Variants in MTUS2 observed in about 807,000 individuals in gnomAD.
MTUS2 encodes the protein microtubule-associated tumor suppressor candidate 2.
MTUS2 carries 40 observed loss-of-function variants against 114.1 expected under a neutral mutation model. The ratio of observed to expected loss-of-function variants is 0.35; its 90% CI spans 0.27 to 0.46. MTUS2 has a LOEUF of 0.46. Among genes scored for constraint, MTUS2 ranks in the 20% least tolerant of loss-of-function variants. The pLI, the probability that MTUS2 is intolerant of heterozygous loss-of-function variation, is 1.00. For synonymous variants in MTUS2, 688 were observed against 672.0 expected (o/e 1.02, Z -0.37); for missense variants, 1,679 against 1,705.4 (o/e 0.98, Z 0.27).
At chr13:28,968,259 C>T (rs1883691223) in intron 2 of MTUS2, among the ~76,000 whole-genome samples, 1 of 152,052 alleles carries the variant, frequency 6.6e-6, no homozygotes, top group African/African-American at 2.4e-5. Flanking sequence ...TACTGTGAGG[C>T]TGGCCAAAGT....
chr13:29,002,758 C>A (rs1391790856), intron 2 of MTUS2, among the ~76,000 whole-genome samples: 2 of 152,204 alleles, frequency 1.3e-5, no homozygotes, highest in African/African-American at 2.4e-5. Flanking sequence ...ACTTTTGATG[C>A]ACTCTTTCAG....
intron 5 of MTUS2, among the ~76,000 whole-genome samples, chr13:29,123,412 T>C (rs1187642116): frequency 6.6e-6 from 1 of 152,160 alleles, no homozygotes; most frequent in Non-Finnish European, 1.5e-5. Flanking sequence ...ATTTCTATTT[T>C]AATATTTAAA....
At chr13:29,471,543 C>T (rs928177198) in intron 9 of MTUS2, among the ~76,000 whole-genome samples, 3 of 152,116 alleles carry the variant, frequency 2.0e-5, no homozygotes, top group Non-Finnish European at 2.9e-5. Flanking sequence ...TAGCAACTGT[C>T]CTTGCCCACT....
intron 7 of MTUS2, among the ~76,000 whole-genome samples, chr13:29,325,385 G>A (rs1593304332): frequency 6.6e-6 from 1 of 151,192 alleles, no homozygotes; most frequent in East Asian, 2.0e-4. Context: ...GAACTCGAGA[G>A]GTGGAGGTTG....
chr13:29,140,145 A>C (rs751983010), intron 5 of MTUS2, among the ~76,000 whole-genome samples: 1 of 152,204 alleles, frequency 6.6e-6, no homozygotes, highest in East Asian at 1.9e-4. Context: ...TTATGAATAT[A>C]ATGCATAAAA....
chr13:29,466,314 C>CA (rs1879880916), intron 9 of MTUS2, among the ~76,000 whole-genome samples: 1 of 152,172 alleles, frequency 6.6e-6, no homozygotes, highest in Admixed American at 6.5e-5. Flanking sequence ...TAGCCATTGC[C>CA]ATCAACACAC....
intron 5 of MTUS2, among the ~76,000 whole-genome samples, chr13:29,246,893 A>T (rs912638349): frequency 4.8e-5 from 4 of 82,746 alleles, no homozygotes; most frequent in African/African-American, 1.3e-4. Context: ...TCTTCACATA[A>T]CTAAAAAAAA....
Position 29,297,224 on chromosome 13 carries a change from G to A in MTUS2, c.2806+15359G>A, listed in dbSNP as rs1369577965. On this transcript the variant is annotated intron_variant, in intron 6 of 15. Transcript: ENST00000612955. The stretch of plus-strand genomic sequence containing the variant: ...GCATTTTACCTAATGAATGTCCTTG[G>A]CATCTTTGTCTTACATGTAATATTC... 3.3e-5 allele frequency among the ~76,000 whole-genome samples: 5 copies of A among 151,998 alleles called. No individual in the cohort carries two copies. The East Asian group carries it at 9.6e-4, about 29-fold the overall frequency.
At chr13:28,917,599 C>T (rs2935190) in intron 2 of MTUS2, among the ~76,000 whole-genome samples, 19,296 of 149,586 alleles carry the variant, frequency 0.13, 1,477 homozygotes, top group African/African-American at 0.2. Flanking sequence ...TTTATTTGTT[C>T]GGGTAGTCTC....
chr13:29,182,442 A>G (rs901318683), intron 5 of MTUS2, among the ~76,000 whole-genome samples: 7 of 152,222 alleles, frequency 4.6e-5, no homozygotes, highest in African/African-American at 1.7e-4. Context: ...GCGTTGCATT[A>G]CTCATCTGTA....
chr13:28,937,417 G>A (rs1396263484), intron 2 of MTUS2, among the ~76,000 whole-genome samples: 1 of 152,104 alleles, frequency 6.6e-6, no homozygotes. Flanking sequence ...GGCCACCCCA[G>A]CCATCAGCGG....
intron 2 of MTUS2, among the ~76,000 whole-genome samples, chr13:28,906,179 A>G (rs1364239459): frequency 6.6e-6 from 1 of 150,996 alleles, no homozygotes; most frequent in Non-Finnish European, 1.5e-5. Flanking sequence ...CGGTCTATCA[A>G]TTTTGTTGAT....
chr13:29,379,743 C>T (rs758162214), intron 8 of MTUS2, among the ~76,000 whole-genome samples: 1 of 152,156 alleles, frequency 6.6e-6, no homozygotes, highest in African/African-American at 2.4e-5. Context: ...TGAAAAGTGG[C>T]TGGCTTATGT....
intron 2 of MTUS2, among the ~76,000 whole-genome samples, chr13:28,917,688 G>A (rs1250252233): frequency 1.3e-5 from 2 of 150,862 alleles, no homozygotes; most frequent in Non-Finnish European, 3.0e-5. Context: ...TTATTTCGTT[G>A]TTCTTTTGTA....
At position 28,852,694 on chromosome 13, in the gene MTUS2, GT is replaced by G. The variant is rs1876357727; in HGVS notation, c.-243+12847del. On this transcript the variant is annotated intron_variant, in intron 2 of 15. Transcript: ENST00000612955. ...AGCCTGGGCAACATAGTGAAACCCC[GT>G]TTCCACTAAAAATACAAAAATTAGC... 2.6e-5 allele frequency among the ~76,000 whole-genome samples: 4 copies of G among 152,082 alleles called. No individual in the cohort carries two copies. In the South Asian group the frequency reaches 8.3e-4, roughly 32 times the overall value.
intron 7 of MTUS2, among the ~76,000 whole-genome samples, chr13:29,340,204 G>A (rs1901323361): frequency 6.6e-6 from 1 of 152,216 alleles, no homozygotes; most frequent in Admixed American, 6.5e-5. Context: ...GACGAGGGAA[G>A]CTCAAGCCTC....
chr13:28,995,219 A>G (rs1885043585), intron 2 of MTUS2, among the ~76,000 whole-genome samples: 2 of 152,142 alleles, frequency 1.3e-5, no homozygotes, highest in Admixed American at 6.6e-5. Context: ...GCAGATATGC[A>G]GCATTATTTC....
chr13:29,425,149 C>T (rs552150952), intron 8 of MTUS2, among the ~76,000 whole-genome samples: 1 of 152,188 alleles, frequency 6.6e-6, no homozygotes. Context: ...TGCAGTGGCT[C>T]ACACCTGTAA....
intron 6 of MTUS2, among the ~76,000 whole-genome samples, chr13:29,309,328 G>C (rs1194871208): frequency 6.6e-6 from 1 of 152,044 alleles, no homozygotes; most frequent in Non-Finnish European, 1.5e-5. Flanking sequence ...ACTAATACAA[G>C]AACAGAAAAC....
Sources: allele counts gnomAD v4.1 joint callset (sites outside exome capture counted in the v4.1 genomes callset), GRCh38; gene constraint gnomAD v4.1.1; transcripts MANE v1.5; gene names NCBI Gene and HGNC (gene_info 2026-07-23, HGNC 2026-07-21).